The following GRB10 variants were observed in gnomAD, a reference collection of about 807,000 sequenced individuals.
GRB10 encodes the protein growth factor receptor bound protein 10.
Under a neutral mutation model 80.9 loss-of-function variants are expected in GRB10, and 20 were observed. That is an observed-to-expected ratio of 0.25 (90% CI 0.17 to 0.36). GRB10 has a LOEUF of 0.36. Ranked by LOEUF, GRB10 falls within the 10% of genes least tolerant of loss-of-function variation. GRB10 has a pLI of 1.00. For missense variants in GRB10, 548 were observed against 747.7 expected (o/e 0.73, Z 3.12); for synonymous variants, 291 against 291.5 (o/e 1.00, Z 0.02).
In GRB10 at chr7:50,755,375, G is replaced by A. The variant is rs377422678; in HGVS notation, c.-47+512C>T. ...GGTGCTAACACTGCCCTGGTCCTCCGTTAGTTACAGGGTCCCCAGTCTCAG... is the reference window on the plus strand; with the variant it reads ...GGTGCTAACACTGCCCTGGTCCTCCATTAGTTACAGGGTCCCCAGTCTCAG... On this transcript the variant is annotated intron_variant, in intron 3 of 18. Coordinates refer to ENST00000401949, the MANE Select transcript of GRB10 (RefSeq NM_001350814.2). Among the ~76,000 whole-genome samples, 60 of 152,294 alleles carry A rather than the reference G, an allele frequency of 3.9e-4. 2 individuals are homozygous for A. In the South Asian group the frequency reaches 0.012, roughly 29 times the overall value.
At chr7:50,783,534 T>A (rs2078534738), upstream of GRB10, among the ~76,000 whole-genome samples, 1 of 144,446 alleles carries the variant, frequency 6.9e-6, no homozygotes, top group Non-Finnish European at 1.5e-5. Context: ...CACACACACA[T>A]CACACATACT....
At chr7:50,721,097 G>A (rs1048419193) in intron 4 of GRB10, among the ~76,000 whole-genome samples, 3 of 152,218 alleles carry the variant, frequency 2.0e-5, no homozygotes, top group Non-Finnish European at 4.4e-5. Context: ...TTTTAACACA[G>A]TAAAGGTACC....
At chr7:50,656,602 A>C (rs1170192040) in intron 7 of GRB10, among the ~76,000 whole-genome samples, 1 of 152,214 alleles carries the variant, frequency 6.6e-6, no homozygotes, top group Non-Finnish European at 1.5e-5. Context: ...TATTCTGAAG[A>C]CACAAATCCT....
intron 7 of GRB10, among the ~76,000 whole-genome samples, chr7:50,654,262 G>C (rs375377354): frequency 6.6e-6 from 1 of 152,212 alleles, no homozygotes. Flanking sequence ...GTGGCTCTGC[G>C]AGTGTTTCCC....
chr7:50,760,884 T>C (rs1005472197), intron 2 of GRB10, among the ~76,000 whole-genome samples: 1 of 152,220 alleles, frequency 6.6e-6, no homozygotes, highest in African/African-American at 2.4e-5. Context: ...GTGACAGCTA[T>C]GATAACTGTA....
intron 8 of GRB10, among the ~76,000 whole-genome samples, chr7:50,625,382 A>G (rs1007851235): frequency 3.3e-5 from 5 of 151,544 alleles, no homozygotes; most frequent in Non-Finnish European, 5.9e-5. Context: ...TTGTTTTTAA[A>G]ATTTTATATA....
upstream of GRB10, among the ~76,000 whole-genome samples, chr7:50,786,746 T>C (rs1054891375): frequency 6.6e-6 from 1 of 152,190 alleles, no homozygotes; most frequent in Admixed American, 6.5e-5. Context: ...CTATAGAAAG[T>C]ACTCCATCAA....
chr7:50,728,799 T>C (rs2069107560), intron 4 of GRB10, among the ~76,000 whole-genome samples: 1 of 151,976 alleles, frequency 6.6e-6, no homozygotes, highest in Non-Finnish European at 1.5e-5. Flanking sequence ...GCTTCCTGAG[T>C]AGCTGGGATA....
At chr7:50,724,921 CA>C (rs2068351922) in intron 4 of GRB10, among the ~76,000 whole-genome samples, 1 of 152,154 alleles carries the variant, frequency 6.6e-6, no homozygotes, top group Non-Finnish European at 1.5e-5. Flanking sequence ...GCAAAGAAAA[CA>C]GTTGAATCAA....
chr7:50,776,717 G>A (rs1013598208), intron 2 of GRB10, among the ~76,000 whole-genome samples: 4 of 152,148 alleles, frequency 2.6e-5, no homozygotes, highest in African/African-American at 9.7e-5. Flanking sequence ...CAAGTTCTTT[G>A]CGCCTTTGTA....
At chr7:50,787,344 G>T (rs4947887), upstream of GRB10, among the ~76,000 whole-genome samples, 2 of 152,052 alleles carry the variant, frequency 1.3e-5, no homozygotes, top group African/African-American at 4.8e-5. Flanking sequence ...AAATATGGAA[G>T]TACGTACAGA....
At chr7:50,736,873 A>G (rs529544542) in intron 3 of GRB10, among the ~76,000 whole-genome samples, 1 of 152,356 alleles carries the variant, frequency 6.6e-6, no homozygotes, top group East Asian at 1.9e-4. Flanking sequence ...AACTTACACC[A>G]TAAGCAAAAA....
intron 13 of GRB10, among the ~76,000 whole-genome samples, chr7:50,608,843 T>G (rs1331953056): frequency 1.3e-5 from 2 of 151,872 alleles, no homozygotes; most frequent in African/African-American, 2.4e-5. Context: ...TGCATGCCTG[T>G]AGTCCCAGCT....
In GRB10 at chr7:50,604,253, G is replaced by C. The variant is rs1162942274; in HGVS notation, c.1456+58C>G. The C allele has an allele frequency of 3.5e-6, 5 of 1,432,390 alleles. No individual in the cohort carries two copies. The Admixed American group carries it at 5.0e-5, about 14-fold the overall frequency. The allele number at this position is 1,432,390 out of a possible 1,614,324, so 88.7% of individuals were successfully genotyped here. A position where few individuals can be genotyped will look rare whatever the true frequency, so the allele number is the denominator to read the frequency against. ...TTCGTAAGGCTGAGGGGGAGTGGAGGGGGGTGCTGTTTGATTTTCTTTATG... is the reference window on the plus strand; with the variant it reads ...TTCGTAAGGCTGAGGGGGAGTGGAGCGGGGTGCTGTTTGATTTTCTTTATG... On this transcript the variant is annotated intron_variant, in intron 16 of 18. Coordinates refer to ENST00000401949, the MANE Select transcript of GRB10 (RefSeq NM_001350814.2).
chr7:50,655,292 A>C (rs1234473901), intron 7 of GRB10, among the ~76,000 whole-genome samples: 1 of 152,072 alleles, frequency 6.6e-6, no homozygotes, highest in East Asian at 1.9e-4. Flanking sequence ...AGGTGTTTCC[A>C]CACACGTAAG....
At chr7:50,600,222 C>T (rs2047366642) in intron 17 of GRB10, among the ~76,000 whole-genome samples, 2 of 152,160 alleles carry the variant, frequency 1.3e-5, no homozygotes, top group Non-Finnish European at 1.5e-5. Flanking sequence ...CACAGATACC[C>T]CTAACTCAAA....
chr7:50,671,317 C>T (rs1268951102), intron 6 of GRB10, among the ~76,000 whole-genome samples: 5 of 152,194 alleles, frequency 3.3e-5, no homozygotes, highest in Admixed American at 2.6e-4. Flanking sequence ...ACAATTTTTA[C>T]GATTTCACAA....
At chr7:50,642,942 G>C (rs1223163717) in intron 7 of GRB10, among the ~76,000 whole-genome samples, 2 of 152,208 alleles carry the variant, frequency 1.3e-5, no homozygotes, top group Non-Finnish European at 2.9e-5. Context: ...GACAGCACCA[G>C]TCAATGGACA....
At chr7:50,665,174 C>T (rs554995618) in intron 7 of GRB10, among the ~76,000 whole-genome samples, 5 of 152,354 alleles carry the variant, frequency 3.3e-5, no homozygotes, top group South Asian at 4.1e-4. Flanking sequence ...CCTCTATGCA[C>T]TCTCCCAGAG....
Sources: gnomAD v4.1 joint callset for allele counts (sites outside exome capture counted in the v4.1 genomes callset) on GRCh38, gnomAD v4.1.1 for gene constraint, MANE v1.5 for transcripts, NCBI Gene and HGNC (gene_info 2026-07-23, HGNC 2026-07-21) for gene names.